Variants in IFIH1 observed in about 807,000 individuals in gnomAD.
The protein encoded by IFIH1 is interferon induced with helicase C domain 1, also known as interferon-induced helicase C domain-containing protein 1.
Under a neutral mutation model 107.4 loss-of-function variants are expected in IFIH1, and 125 were observed. The ratio of observed to expected loss-of-function variants is 1.16; its 90% CI spans 1.01 to 1.35. IFIH1 has a LOEUF of 1.35. Among genes scored for constraint, IFIH1 ranks in the 40% most tolerant of loss-of-function variants. IFIH1 has a pLI of 0.00. For missense variants in IFIH1, 1,333 were observed against 1,213.7 expected (o/e 1.10, Z -1.46); for synonymous variants, 458 against 413.2 (o/e 1.11, Z -1.31).
At chr2:162,288,086 G>T in intron 5 of IFIH1, 49 bp downstream of exon 5, 2 of 1,275,182 alleles carry the variant, frequency 1.6e-6, no homozygotes, top group South Asian at 1.3e-5. Flanking sequence ...AAAAGTTTCA[G>T]AATAATACAA....
chr2:162,283,062 C>T (rs980281894), intron 5 of IFIH1, among the ~76,000 whole-genome samples: 1 of 151,492 alleles, frequency 6.6e-6, no homozygotes, highest in African/African-American at 2.4e-5. Context: ...AGAGCAGTGC[C>T]AGGTTATAAA....
chr2:162,270,652 C>T (rs1185811315), intron 13 of IFIH1, among the ~76,000 whole-genome samples: 1 of 152,090 alleles, frequency 6.6e-6, no homozygotes, highest in Non-Finnish European at 1.5e-5. Context: ...AAGAATTTGA[C>T]CCTTAAACTC....
In IFIH1 at chr2:162,293,598, C is replaced by T; in HGVS notation, c.840G>A (p.Met280Ile). 1.2e-6 allele frequency: 2 copies of T among 1,611,642 alleles called. No individual in the cohort carries two copies. The highest frequency in any genetic ancestry group is 1.1e-5 in the South Asian group (1 of 90,980). Residue 280 changes from methionine (M) to isoleucine (I), a missense_variant, in exon 4 of 16, where the codon ATG becomes ATA. By Grantham distance (10) the Met-to-Ile change is conservative (BLOSUM62 1). Coordinates refer to ENST00000649979, the MANE Select transcript of IFIH1 (RefSeq NM_022168.4). Reference protein sequence around the residue: ...LDESLGHNSNMGSDSGTMGSD... With the variant: ...LDESLGHNSNIGSDSGTMGSD... ...TTCCCATGGTGCCTGAATCACTGCC[C>T]ATGTTGCTGTTATGTCCAAGACTTT...
chr2:162,272,553 CT>C (rs374015381), intron 12 of IFIH1, among the ~76,000 whole-genome samples, 166 bp from the exon 13 acceptor site: 1 of 152,312 alleles, frequency 6.6e-6, no homozygotes, highest in African/African-American at 2.4e-5. Context: ...TAATCCATTA[CT>C]TGTAAGTCAG....
chr2:162,296,658 T>G (rs1374117049), intron 3 of IFIH1, among the ~76,000 whole-genome samples: 1 of 152,152 alleles, frequency 6.6e-6, no homozygotes, highest in Admixed American at 6.6e-5. Flanking sequence ...GCAAGAGACA[T>G]TTTCATTGTA....
intron 3 of IFIH1, among the ~76,000 whole-genome samples, chr2:162,302,905 A>G (rs564939136): frequency 5.3e-5 from 8 of 152,308 alleles, no homozygotes; most frequent in Admixed American, 5.2e-4. Context: ...TAAAGAACCT[A>G]TGGACTAGAA....
chr2:162,295,769 C>T (rs1683075164), intron 3 of IFIH1, among the ~76,000 whole-genome samples: 1 of 151,828 alleles, frequency 6.6e-6, no homozygotes, highest in Admixed American at 6.6e-5. Flanking sequence ...TTGTTAGAAG[C>T]TCAGAGGCGA....
intron 13 of IFIH1, among the ~76,000 whole-genome samples, chr2:162,270,136 G>C (rs998542076): frequency 7.2e-5 from 11 of 152,046 alleles, no homozygotes; most frequent in Non-Finnish European, 1.3e-4. Flanking sequence ...GAAGTAACTA[G>C]AGGGGTAAAC....
chr2:162,298,709 T>A (rs575328435), intron 3 of IFIH1, among the ~76,000 whole-genome samples: 102 of 152,104 alleles, frequency 6.7e-4, no homozygotes, highest in African/African-American at 2.4e-3. Context: ...TTGAAATAAC[T>A]TAATCTTTTT....
Position 162,318,222 on chromosome 2 carries a change from T to C in IFIH1, c.86A>G (p.Glu29Gly). The C allele has an allele frequency of 6.2e-7, 1 of 1,614,142 alleles. No individual in the cohort carries two copies. Among genetic ancestry groups the C allele is most frequent in the Non-Finnish European group, 8.5e-7 (1 of 1,180,018 alleles). The change falls in exon 1 of 16, where the codon GAG (glutamate) becomes GGG (glycine). Residue 29 changes from glutamate (E) to glycine (G), a missense_variant. Coordinates refer to ENST00000649979, the MANE Select transcript of IFIH1 (RefSeq NM_022168.4). ...AAAGGTCAGGTAGTCCAGCACAGGC[T>C]CCACCTGGATGTACATTTTCACCCT... ...RARVKMYIQV[E>G]PVLDYLTFLP...
chr2:162,276,795 A>C lies in IFIH1; in HGVS notation c.2196T>G (p.Tyr732Ter). The change falls in exon 11 of 16, where the codon TAT becomes TAG. Residue 732 changes from tyrosine to a stop codon, truncating the protein, a stop_gained. Transcript: ENST00000649979. LOFTEE classifies it high-confidence loss of function. ...TTTCAGTAATCCACTGGGAAAGCGC[A>C]TATGCACTCTGTCGTGTTTTTGTAA... Reference protein sequence around the residue: ...IIFTKTRQSAYALSQWITENE... With the variant: ...IIFTKTRQSA The C allele has an allele frequency of 6.2e-7, 1 of 1,614,006 alleles. No homozygotes were observed. The highest frequency in any genetic ancestry group is 8.5e-7 in the Non-Finnish European group (1 of 1,179,940).
chr2:162,317,942 C>G lies in IFIH1; in HGVS notation c.366G>C (p.Gln122His), dbSNP rs1683538180. The G allele has an allele frequency of 6.2e-7, 1 of 1,614,024 alleles. No homozygotes were observed. The highest frequency in any genetic ancestry group is 1.7e-5 in the Admixed American group (1 of 60,004). ...CTAGAAGCTTGTCCACCAGAGTGGG[C>G]TGAAGGAGGTTCAGCAGTTGGAGAT... is the stretch of plus-strand genomic sequence containing the variant. ...DEYLQLLNLL[Q>H]PTLVDKLLVR... The change falls in exon 1 of 16, where the codon CAG becomes CAC. Residue 122 changes from glutamine (Q) to histidine (H), a missense_variant. Transcript: ENST00000649979.
At chr2:162,283,319 G>A (rs900565470) in intron 5 of IFIH1, among the ~76,000 whole-genome samples, 10 of 151,964 alleles carry the variant, frequency 6.6e-5, no homozygotes, top group South Asian at 2.1e-4. Flanking sequence ...GAACAAACCC[G>A]AAAGTAGACC....
rs949576861 is a variant in IFIH1 at position 162,273,433 on chromosome 2, G to T, written c.2454+362C>A. Reference sequence around the variant, plus strand: ...GGGCATGTTACTTCATCAGACATTTGTGGGACAGTGTACTTTAGATTCCTG... The same window carrying T: ...GGGCATGTTACTTCATCAGACATTTTTGGGACAGTGTACTTTAGATTCCTG... On this transcript the variant is annotated intron_variant, in intron 12 of 15. Transcript: ENST00000649979. Among the ~76,000 whole-genome samples the T allele has an allele frequency of 2.6e-5, 4 of 152,160 alleles. No homozygotes were observed. The East Asian group carries it at 7.7e-4, about 29-fold the overall frequency.
chr2:162,283,059 T>G (rs997514079), intron 5 of IFIH1, among the ~76,000 whole-genome samples: 54 of 151,808 alleles, frequency 3.6e-4, no homozygotes, highest in African/African-American at 1.3e-3. Context: ...TGTAGAGCAG[T>G]GCCAGGTTAT....
rs1691055338 is a variant in IFIH1 at position 162,272,287 on chromosome 2, TTCTC to T, written c.2551_2554del (p.Glu851ArgfsTer2). On this transcript the variant is annotated frameshift_variant, in exon 13 of 16. Coordinates refer to ENST00000649979, the MANE Select transcript of IFIH1 (RefSeq NM_022168.4). LOFTEE classifies it high-confidence loss of function. ...ACAATGTATAGCTTTATACATCATC[TTCTC>T]TCGGAAATCATTAACTGTCTCATGT... The T allele has an allele frequency of 2.5e-6, 4 of 1,612,880 alleles. No homozygotes were observed. The highest frequency in any genetic ancestry group is 3.4e-6 in the Non-Finnish European group (4 of 1,179,372).
At chr2:162,287,127 A>G (rs1682908915) in intron 5 of IFIH1, among the ~76,000 whole-genome samples, 1 of 151,884 alleles carries the variant, frequency 6.6e-6, no homozygotes, top group South Asian at 2.1e-4. Flanking sequence ...ACAAGTATAA[A>G]GGAGAGCTCT....
chr2:162,303,812 A>G (rs1443047625), intron 3 of IFIH1, among the ~76,000 whole-genome samples: 1 of 152,218 alleles, frequency 6.6e-6, no homozygotes, highest in Non-Finnish European at 1.5e-5. Flanking sequence ...TTCAGAGCAG[A>G]TTAACTACAA....
intron 5 of IFIH1, among the ~76,000 whole-genome samples, chr2:162,286,861 A>G (rs1682903307): frequency 6.6e-6 from 1 of 152,000 alleles, no homozygotes; most frequent in South Asian, 2.1e-4. Context: ...TTACTAGGCC[A>G]TATATAATCC....
Sources: gnomAD v4.1 joint callset for allele counts (sites outside exome capture counted in the v4.1 genomes callset) on GRCh38, gnomAD v4.1.1 for gene constraint, MANE v1.5 for transcripts, NCBI Gene and HGNC (gene_info 2026-07-23, HGNC 2026-07-21) for gene names.